The following TSEN2 variants were observed in gnomAD, a reference collection of about 807,000 sequenced individuals.
TSEN2 encodes the protein tRNA splicing endonuclease subunit 2.
A neutral mutation model predicts 59.2 loss-of-function variants in TSEN2; 54 were observed. That is an observed-to-expected ratio of 0.91 (90% CI 0.73 to 1.14). The LOEUF (loss-of-function observed/expected upper bound fraction) is 1.14. Ranked by LOEUF, TSEN2 falls within the 50% of genes most tolerant of loss-of-function variation. TSEN2 has a pLI of 0.00. For synonymous variants in TSEN2, 195 were observed against 198.2 expected (o/e 0.98, Z 0.14); for missense variants, 636 against 576.2 (o/e 1.10, Z -1.06).
chr3:12,524,785 C>T (rs933403608), intron 8 of TSEN2, among the ~76,000 whole-genome samples: 3 of 144,818 alleles, frequency 2.1e-5, no homozygotes, highest in Admixed American at 1.4e-4. Flanking sequence ...CTCTGTTGCT[C>T]AGGCTGGAGT....
intron 6 of TSEN2, 86 bp from the exon 7 acceptor site, chr3:12,516,525 A>G (rs1183256217): frequency 8.5e-7 from 1 of 1,181,740 alleles, no homozygotes. Context: ...TTTGTATTTG[A>G]GGTGAAAAGA....
chr3:12,481,922 CGT>C (rs1491389224), upstream of TSEN2, among the ~76,000 whole-genome samples: 3 of 58,128 alleles, frequency 5.2e-5, no homozygotes, highest in Non-Finnish European at 9.3e-5. Flanking sequence ...TGTGTGTCTG[CGT>C]ATATATATAT....
intron 4 of TSEN2, among the ~76,000 whole-genome samples, chr3:12,497,717 A>G (rs1342587536): frequency 2.0e-5 from 3 of 152,288 alleles, no homozygotes; most frequent in African/African-American, 4.8e-5. Flanking sequence ...GGAGAGGGCT[A>G]CCTCCCTGAA....
intron 6 of TSEN2, among the ~76,000 whole-genome samples, chr3:12,515,585 G>C (rs978349838): frequency 2.0e-5 from 3 of 152,154 alleles, no homozygotes; most frequent in African/African-American, 7.2e-5. Flanking sequence ...GACCCTAAGC[G>C]CCCTGGACAG....
At chr3:12,537,369 A>T (rs562754731), downstream of TSEN2, among the ~76,000 whole-genome samples, 1 of 152,312 alleles carries the variant, frequency 6.6e-6, no homozygotes, top group African/African-American at 2.4e-5. Context: ...TCCGGAATCC[A>T]GCCTGGGCAA....
Position 12,490,009 on chromosome 3 carries a change from G to C in TSEN2, c.189+20G>C. On this transcript the variant is annotated intron_variant, in intron 2 of 11. Coordinates refer to ENST00000284995, the MANE Select transcript of TSEN2 (RefSeq NM_025265.4). The stretch of plus-strand genomic sequence containing the variant: ...GGGAAAGTAAGTGCAGGCAGCCTTG[G>C]TAAGATTACTTTCAGACAACCCTGA... The C allele has an allele frequency of 1.2e-6, 2 of 1,613,076 alleles. No individual in the cohort carries two copies. The highest frequency in any genetic ancestry group is 1.7e-6 in the Non-Finnish European group (2 of 1,179,232).
At chr3:12,523,131 C>T (rs1411307423) in intron 8 of TSEN2, among the ~76,000 whole-genome samples, 1 of 152,138 alleles carries the variant, frequency 6.6e-6, no homozygotes, top group African/African-American at 2.4e-5. Context: ...TCCTACCATA[C>T]CTAAGTCATG....
chr3:12,485,458 C>T (rs141652238), intron 1 of TSEN2, among the ~76,000 whole-genome samples: 14 of 152,140 alleles, frequency 9.2e-5, no homozygotes, highest in African/African-American at 3.4e-4. Context: ...TGCGCCCGGC[C>T]CCTCCGAGTC....
At chr3:12,490,735 G>C (rs1335382342) in intron 2 of TSEN2, among the ~76,000 whole-genome samples, 4 of 152,040 alleles carry the variant, frequency 2.6e-5, no homozygotes, top group Non-Finnish European at 5.9e-5. Flanking sequence ...GAGTTCCCTT[G>C]TGCCCATCAC....
Position 12,484,662 on chromosome 3 carries a change from A to G in TSEN2, c.-236A>G, listed in dbSNP as rs1397975953. ...CTGGGGTCGCACAGCCGGCCGAGAC[A>G]GTGCCGGGACGGGGAGCCAGGCTTC... On this transcript the variant is annotated 5_prime_UTR_variant, in exon 1 of 12. Coordinates refer to ENST00000284995, the MANE Select transcript of TSEN2 (RefSeq NM_025265.4). The G allele has an allele frequency of 6.6e-6, 1 of 152,264 alleles. No homozygotes were observed. The highest frequency in any genetic ancestry group is 1.5e-5 in the Non-Finnish European group (1 of 68,058). The allele number at this position is 152,264 out of a possible 1,614,324, so 9.4% of individuals were successfully genotyped here. A position where few individuals can be genotyped will look rare whatever the true frequency, so the allele number is the denominator to read the frequency against.
upstream of TSEN2, chr3:12,484,455 C>T (rs950677952): frequency 1.3e-5 from 2 of 152,284 alleles, no homozygotes; most frequent in Non-Finnish European, 2.9e-5. Flanking sequence ...TGCTTGACGG[C>T]AGCGGTGTCC....
chr3:12,529,698 AAT>A, intron 9 of TSEN2, 62 bp from the exon 10 acceptor site: 1 of 1,469,616 alleles, frequency 6.8e-7, no homozygotes, highest in Non-Finnish European at 9.5e-7. Flanking sequence ...TGGTAGGACA[AAT>A]ATTCTTTTTA....
At chr3:12,531,451 A>C (rs918683266) in intron 10 of TSEN2, 119 bp from the exon 11 acceptor site, 1 of 682,250 alleles carries the variant, frequency 1.5e-6, no homozygotes, top group African/African-American at 1.8e-5. Flanking sequence ...GTGCTCTGTG[A>C]GTTTCCACTT....
At chr3:12,539,196 C>T (rs983045717) in exon 11 of TSEN2, 3 of 420,720 alleles carry the variant, frequency 7.1e-6, no homozygotes, top group South Asian at 3.4e-5. Flanking sequence ...TCCAATGCTG[C>T]GATCTTGGAT....
At chr3:12,499,598 G>A (rs556703665) in intron 4 of TSEN2, among the ~76,000 whole-genome samples, 30 of 152,168 alleles carry the variant, frequency 2.0e-4, no homozygotes, top group Non-Finnish European at 3.5e-4. Context: ...TTTCTGTTTC[G>A]TAGATGGGGA....
chr3:12,488,703 C>G (rs879608183), intron 1 of TSEN2, among the ~76,000 whole-genome samples: 2 of 152,210 alleles, frequency 1.3e-5, no homozygotes, highest in East Asian at 1.9e-4. Flanking sequence ...TTTCTGTTCT[C>G]CCTCATGGTG....
chr3:12,529,154 G>T (rs1235552696), intron 9 of TSEN2, among the ~76,000 whole-genome samples: 1 of 152,152 alleles, frequency 6.6e-6, no homozygotes, highest in Non-Finnish European at 1.5e-5. Context: ...GAGTTAATCT[G>T]TGCCGTAATT....
chr3:12,496,517 G>C lies in TSEN2; in HGVS notation c.272-1G>C. ...AAACTAATAGAACTTCTTTGTTCCA[G>C]ATATGAAGACAAACATGCCTATCAT... On this transcript the variant is annotated splice_acceptor_variant, in intron 3 of 11. Transcript: ENST00000284995. LOFTEE classifies it high-confidence loss of function. 2 of 1,614,114 alleles carry C rather than the reference G, an allele frequency of 1.2e-6. No homozygotes were observed. The highest frequency in any genetic ancestry group is 1.3e-5 in the African/African-American group (1 of 75,054).
intron 8 of TSEN2, among the ~76,000 whole-genome samples, chr3:12,526,778 G>C (rs1366378699): frequency 6.6e-6 from 1 of 152,338 alleles, no homozygotes; most frequent in African/African-American, 2.4e-5. Context: ...GGGTCCATCT[G>C]CTGCCAGTGT....
Sources: gnomAD v4.1 joint callset for allele counts (sites outside exome capture counted in the v4.1 genomes callset) on GRCh38, gnomAD v4.1.1 for gene constraint, MANE v1.5 for transcripts, NCBI Gene and HGNC (gene_info 2026-07-23, HGNC 2026-07-21) for gene names.